Variants in TRPM2 observed in about 807,000 individuals in gnomAD.
TRPM2 encodes the protein transient receptor potential cation channel subfamily M member 2, also known as estrogen-responsive element-associated gene 1 protein.
Under a neutral mutation model 174.0 loss-of-function variants are expected in TRPM2, and 161 were observed. The ratio of observed to expected loss-of-function variants is 0.93; its 90% confidence interval spans 0.81 to 1.05. The LOEUF is 1.05. Among genes scored for constraint, TRPM2 ranks in the 50% least tolerant of loss-of-function variants. TRPM2 has a pLI of 0.00. For synonymous variants in TRPM2, 954 were observed against 861.3 expected (o/e 1.11, Z -1.88); for missense variants, 2,057 against 2,038.0 (o/e 1.01, Z -0.18).
intron 8 of TRPM2, among the ~76,000 whole-genome samples, chr21:44,382,216 A>T (rs2048903310): frequency 6.6e-6 from 1 of 152,152 alleles, no homozygotes; most frequent in African/African-American, 2.4e-5. Context: ...ACACACATGG[A>T]TGGATAGATA....
rs2051477676 is a variant in TRPM2, at chr21:44,440,917, G to A, written c.4386+12G>A. On this transcript the variant is annotated intron_variant, in intron 31 of 31. Transcript: ENST00000397928. Reference sequence around the variant, plus strand: ...ACAGGCTGAACTCTGTATGTGCCTGGCCTCCCTGGAGGCGGGAGTGGGGAG... The same window carrying A: ...ACAGGCTGAACTCTGTATGTGCCTGACCTCCCTGGAGGCGGGAGTGGGGAG... The A allele has an allele frequency of 6.2e-7, 1 of 1,612,140 alleles. No homozygotes were observed.
In TRPM2 at chr21:44,406,729, C is replaced by A; in HGVS notation, c.2926C>A (p.Leu976Ile). 1.2e-6 allele frequency: 2 copies of A among 1,608,014 alleles called. No homozygotes were observed. The highest frequency in any genetic ancestry group is 1.7e-6 in the Non-Finnish European group (2 of 1,178,854). The change falls in exon 19 of 32, where the codon CTC becomes ATC. Residue 976 changes from leucine (L) to isoleucine (I), a missense_variant. Coordinates refer to ENST00000397928, the MANE Select transcript of TRPM2 (RefSeq NM_003307.4). ...CCGAGGGGCCGTCTACCACTCCTAC[C>A]TCACCATCTTCGGGCAGATCCCGGG... ...LFRGAVYHSYLTIFGQIPGYI... is the reference protein window; with the variant it reads ...LFRGAVYHSYITIFGQIPGYI...
intron 25 of TRPM2, 144 bp from the exon 26 acceptor site, chr21:44,426,516 C>A: frequency 1.2e-6 from 1 of 854,428 alleles, no homozygotes; most frequent in Non-Finnish European, 1.9e-6. Flanking sequence ...GCACCCGGAT[C>A]TGCCCAGCTT....
At chr21:44,352,116 TG>T (rs982611974), upstream of TRPM2, among the ~76,000 whole-genome samples, 1 of 152,230 alleles carries the variant, frequency 6.6e-6, no homozygotes, top group African/African-American at 2.4e-5. Context: ...CTCCTGCCAC[TG>T]GGGACATCTC....
chr21:44,364,169 A>G lies in TRPM2; in HGVS notation c.310A>G (p.Lys104Glu), dbSNP rs2048292769. The G allele has an allele frequency of 6.2e-7, 1 of 1,614,082 alleles. No individual in the cohort carries two copies. Among genetic ancestry groups the G allele is most frequent in the Non-Finnish European group, 8.5e-7 (1 of 1,180,044 alleles). The change falls in exon 3 of 32, where the codon AAG becomes GAG. Residue 104 changes from lysine (K) to glutamate (E), a missense_variant. Physicochemically the swap from Lys to Glu is moderately conservative, Grantham distance 56. Transcript: ENST00000397928. ...THEQHLEEATKPHTFQGTQWD... is the reference protein window; with the variant it reads ...THEQHLEEATEPHTFQGTQWD... The stretch of plus-strand genomic sequence containing the variant: ...TGAGCAGCACTTGGAGGAGGCTACC[A>G]AGCCCCACACCTTCCAGGGCACACA...
rs200559877 is a variant in TRPM2 at position 44,395,489 on chromosome 21, G to T, written c.1870G>T (p.Asp624Tyr). ...HVTFTMDPIR[D>Y]LLIWAIVQNR... ...GACCTTCACCATGGACCCCATCCGTGACCTTCTCATTTGGGCCATTGTCCA... is the reference window on the plus strand; with the variant it reads ...GACCTTCACCATGGACCCCATCCGTTACCTTCTCATTTGGGCCATTGTCCA... The change falls in exon 12 of 32, where the codon GAC becomes TAC. Residue 624 changes from aspartate to tyrosine, a missense_variant. Transcript: ENST00000397928. The T allele has an allele frequency of 3.8e-4, 605 of 1,613,098 alleles. No homozygotes were observed. Among genetic ancestry groups the T allele is most frequent in the Non-Finnish European group, 4.7e-4 (559 of 1,179,958 alleles).
intron 5 of TRPM2, among the ~76,000 whole-genome samples, chr21:44,373,441 C>G (rs2048599984): frequency 6.6e-6 from 1 of 152,194 alleles, no homozygotes; most frequent in African/African-American, 2.4e-5. Context: ...CCCGCCTCGG[C>G]CCCCCAAAGT....
intron 19 of TRPM2, among the ~76,000 whole-genome samples, chr21:44,411,878 T>A (rs1479894000): frequency 6.6e-6 from 1 of 152,214 alleles, no homozygotes; most frequent in Admixed American, 6.5e-5. Context: ...CCTTTTACTA[T>A]TAATATGGTG....
intron 25 of TRPM2, 120 bp from the exon 26 acceptor site, chr21:44,426,540 T>A: frequency 9.7e-7 from 1 of 1,033,866 alleles, no homozygotes; most frequent in South Asian, 1.3e-5. Context: ...GCTTCTGCCC[T>A]GCATGTTGGG....
In TRPM2 at chr21:44,364,260, G is replaced by T. The variant is rs1267589218; in HGVS notation, c.401G>T (p.Gly134Val). Residue 134 changes from glycine (G) to valine (V), a missense_variant, in exon 3 of 32, where the codon GGC (glycine) becomes GTC (valine). Transcript: ENST00000397928. The part of the protein sequence containing the change: ...TDAFGDIVFT[G>V]LSQKVKKYVR... Reference sequence around the variant, plus strand: ...GCCTTTGGCGACATCGTCTTCACGGGCCTGAGCCAGAAGGTGAAAAAGGTT... The same window carrying T: ...GCCTTTGGCGACATCGTCTTCACGGTCCTGAGCCAGAAGGTGAAAAAGGTT... The T allele has an allele frequency of 2.5e-6, 4 of 1,614,082 alleles. No homozygotes were observed. The highest frequency in any genetic ancestry group is 1.3e-5 in the African/African-American group (1 of 74,940).
At chr21:44,430,200 A>G (rs1400888563) in intron 27 of TRPM2, among the ~76,000 whole-genome samples, 1 of 152,166 alleles carries the variant, frequency 6.6e-6, no homozygotes. Context: ...CAAAAGTGGA[A>G]TTTGCCTATA....
At position 44,373,013 on chromosome 21, in the gene TRPM2, C is replaced by G. The variant is rs573163004; in HGVS notation, c.772-2820C>G. ...CATTTGTGAAAACCTTGCAGTCCTCCTTTGAATGCCATAGGAATTTCTGCC... is the reference window on the plus strand; with the variant it reads ...CATTTGTGAAAACCTTGCAGTCCTCGTTTGAATGCCATAGGAATTTCTGCC... On this transcript the variant is annotated intron_variant, in intron 5 of 31. Transcript: ENST00000397928. Among the ~76,000 whole-genome samples, 9 of 152,232 alleles carry G rather than the reference C, an allele frequency of 5.9e-5. No individual in the cohort carries two copies. The East Asian group carries it at 1.7e-3, about 29-fold the overall frequency.
chr21:44,406,513 C>A (rs1038055949), intron 18 of TRPM2, 81 bp from the exon 19 acceptor site: 2 of 1,474,012 alleles, frequency 1.4e-6, no homozygotes, highest in Admixed American at 4.4e-5. Context: ...AGTGCTGTCT[C>A]CACCGCTGCT....
intron 22 of TRPM2, chr21:44,422,289 G>C: frequency 6.5e-7 from 1 of 1,536,104 alleles, no homozygotes; most frequent in East Asian, 2.4e-5. Context: ...GGAGCTTTGG[G>C]GGTCAAGGAC....
At chr21:44,421,577 C>T (rs1319388373) in intron 22 of TRPM2, among the ~76,000 whole-genome samples, 1 of 151,962 alleles carries the variant, frequency 6.6e-6, no homozygotes, top group Non-Finnish European at 1.5e-5. Flanking sequence ...TCAAGACCAA[C>T]CTAGGCAACA....
At chr21:44,417,269 T>C (rs1220982501) in intron 20 of TRPM2, among the ~76,000 whole-genome samples, 35 of 114,484 alleles carry the variant, frequency 3.1e-4, no homozygotes, top group Admixed American at 5.4e-4. Flanking sequence ...ACAGTGTGCA[T>C]GTGGGCGTGG....
chr21:44,434,981 T>C (rs2051180028), intron 27 of TRPM2, 150 bp from the exon 28 acceptor site: 4 of 708,656 alleles, frequency 5.6e-6, no homozygotes, highest in East Asian at 2.7e-5. Context: ...TCCTACTCCC[T>C]AGGCCAGAGC....
At position 44,418,021 on chromosome 21, in the gene TRPM2, C is replaced by A. The variant is rs1388678341; in HGVS notation, c.3241C>A (p.Pro1081Thr). 6.2e-7 allele frequency: 1 copy of A among 1,612,990 alleles called. No homozygotes were observed. Among genetic ancestry groups the A allele is most frequent in the Non-Finnish European group, 8.5e-7 (1 of 1,180,024 alleles). Residue 1081 changes from proline to threonine, a missense_variant, in exon 21 of 32, where the codon CCG becomes ACG. Transcript: ENST00000397928. Reference sequence around the variant, plus strand: ...GGAGTACCACGGCCGCCCCGCCGCGCCGCCCCCCTTCATCCTCCTCAGCCA... The same window carrying A: ...GGAGTACCACGGCCGCCCCGCCGCGACGCCCCCCTTCATCCTCCTCAGCCA... ...IEEYHGRPAA[P>T]PPFILLSHLQ...
At chr21:44,420,513 G>C (rs1210152533) in intron 22 of TRPM2, among the ~76,000 whole-genome samples, 1 of 152,222 alleles carries the variant, frequency 6.6e-6, no homozygotes, top group Non-Finnish European at 1.5e-5. Flanking sequence ...CTGGTCTCCA[G>C]GCCTGCTCAG....
Sources: allele counts gnomAD v4.1 joint callset (sites outside exome capture counted in the v4.1 genomes callset), GRCh38; gene constraint gnomAD v4.1.1; transcripts MANE v1.5; gene names NCBI Gene and HGNC (gene_info 2026-07-23, HGNC 2026-07-21).